TTC22: variants seen among roughly 807,000 people sequenced by gnomAD.
The protein encoded by TTC22 is tetratricopeptide repeat protein 22.
TTC22 carries 42 observed loss-of-function variants against 48.2 expected under a neutral mutation model. The observed-to-expected ratio is 0.87, with a 90% CI of 0.68 to 1.13. TTC22 has a LOEUF of 1.13. TTC22 is among the 50% of genes most tolerant of loss of function. TTC22 has a pLI of 0.00. For missense variants in TTC22, 784 were observed against 807.0 expected (o/e 0.97, Z 0.34); for synonymous variants, 345 against 365.5 (o/e 0.94, Z 0.64).
intron 1 of TTC22, among the ~76,000 whole-genome samples, chr1:54,789,381 C>T (rs781541535): frequency 1.3e-5 from 2 of 152,186 alleles, no homozygotes; most frequent in Non-Finnish European, 2.9e-5. Flanking sequence ...GGCCTGGAGA[C>T]GTTGGGGATG....
At chr1:54,785,619 C>CA (rs1306157419) in intron 5 of TTC22, 4 of 438,834 alleles carry the variant, frequency 9.1e-6, no homozygotes, top group African/African-American at 8.1e-5. Context: ...TGAGACGAGT[C>CA]TGGGCAACAT....
At chr1:54,781,813 G>A in intron 6 of TTC22, 34 bp from the exon 7 acceptor site, 1 of 1,386,174 alleles carries the variant, frequency 7.2e-7, no homozygotes, top group Non-Finnish European at 9.3e-7. Context: ...GCCCTTCACC[G>A]CAGGCGCGGC....
In TTC22 at chr1:54,781,240, GC is replaced by G; in HGVS notation, c.*2del. 1 of 1,457,610 alleles carries G rather than the reference GC, an allele frequency of 6.9e-7. No homozygotes were observed. Among genetic ancestry groups the G allele is most frequent in the Non-Finnish European group, 9.0e-7 (1 of 1,113,652 alleles). 90.3% of individuals were successfully genotyped at this position (1,457,610 alleles called of 1,614,324 possible). A position where few individuals can be genotyped will look rare whatever the true frequency, so the allele number is the denominator to read the frequency against. On this transcript the variant is annotated 3_prime_UTR_variant, in exon 7 of 7. Coordinates refer to ENST00000371276, the MANE Select transcript of TTC22 (RefSeq NM_001114108.2). ...GGGAGCCTCCGGCCTGGGCACCTGAGCCCTAGAATGAGACAGCCCGGCGGTC... is the reference window on the plus strand; with the variant it reads ...GGGAGCCTCCGGCCTGGGCACCTGAGCCTAGAATGAGACAGCCCGGCGGTC...
intron 1 of TTC22, among the ~76,000 whole-genome samples, chr1:54,788,390 C>T (rs1253475837): frequency 6.6e-6 from 1 of 151,922 alleles, no homozygotes; most frequent in East Asian, 1.9e-4. Flanking sequence ...CCCCCAACCC[C>T]AGGGCGCACA....
rs952022227 is a variant in TTC22 at position 54,781,519 on chromosome 1, C to G, written c.1434G>C (p.Ala478=). The G allele has an allele frequency of 1.6e-5, 24 of 1,510,290 alleles. No homozygotes were observed. The highest frequency in any genetic ancestry group is 1.4e-4 in the Admixed American group (7 of 48,492). The allele number at this position is 1,510,290 out of a possible 1,614,324, so 93.6% of individuals were successfully genotyped here. A position where few individuals can be genotyped will look rare whatever the true frequency, so the allele number is the denominator to read the frequency against. Residue 478 remains alanine (A), a synonymous_variant, in exon 7 of 7, where the codon GCG becomes GCC. Coordinates refer to ENST00000371276, the MANE Select transcript of TTC22 (RefSeq NM_001114108.2). ...GTGCCTGGCTCCACTGCGCCAGCAG[C>G]GCCTCGAGCAGGCAGCCGAAGCCGT... ...HTDGFGCLLE[A]LLAQWSQAQL...
intron 5 of TTC22, chr1:54,784,888 C>A: frequency 1.0e-6 from 1 of 972,602 alleles, no homozygotes; most frequent in South Asian, 1.6e-5. Context: ...TAGCAGGAGG[C>A]AGAACTCACC....
chr1:54,798,165 A>G (rs1646406806), intron 1 of TTC22, among the ~76,000 whole-genome samples: 1 of 152,232 alleles, frequency 6.6e-6, no homozygotes, highest in African/African-American at 2.4e-5. Context: ...CCAGGGTGGC[A>G]TGGATTTAGC....
At chr1:54,795,762 G>A (rs1646385647) in intron 1 of TTC22, among the ~76,000 whole-genome samples, 1 of 152,224 alleles carries the variant, frequency 6.6e-6, no homozygotes, top group South Asian at 2.1e-4. Context: ...CTGTATCTAT[G>A]AGGAGGAGGG....
intron 6 of TTC22, 52 bp from the exon 7 acceptor site, chr1:54,781,831 T>A: frequency 7.3e-7 from 1 of 1,367,990 alleles, no homozygotes. Context: ...GGCTCCACGC[T>A]CATTCCCGCC....
chr1:54,792,100 A>AG (rs1646356292), intron 1 of TTC22, among the ~76,000 whole-genome samples: 3 of 152,268 alleles, frequency 2.0e-5, no homozygotes, highest in Non-Finnish European at 4.4e-5. Context: ...ACCTGGTGGC[A>AG]CTATGCCTGA....
intron 1 of TTC22, among the ~76,000 whole-genome samples, chr1:54,797,048 G>A (rs979337752): frequency 1.8e-4 from 27 of 152,254 alleles, no homozygotes; most frequent in African/African-American, 6.5e-4. Flanking sequence ...TGCTTTTCAT[G>A]TTTTCTCAAT....
At chr1:54,791,904 T>C (rs1005925609) in intron 1 of TTC22, among the ~76,000 whole-genome samples, 2 of 152,056 alleles carry the variant, frequency 1.3e-5, no homozygotes, top group African/African-American at 4.8e-5. Context: ...GTTATCCTGA[T>C]CAATCTCCTT....
In TTC22 at chr1:54,788,767, C is replaced by G. The variant is rs549429229; in HGVS notation, c.568-670G>C. 1.8e-3 allele frequency among the ~76,000 whole-genome samples: 274 copies of G among 152,278 alleles called. 2 individuals are homozygous for G. Among genetic ancestry groups the G allele is most frequent in the African/African-American group, 5.8e-3 (241 of 41,558 alleles). ...AGGCTTCACTCTGTACTTGCCACCCCGACTGTGGCCTCCTCAGCTGTGGGG... is the reference window on the plus strand; with the variant it reads ...AGGCTTCACTCTGTACTTGCCACCCGGACTGTGGCCTCCTCAGCTGTGGGG... On this transcript the variant is annotated intron_variant, in intron 1 of 6. Coordinates refer to ENST00000371276, the MANE Select transcript of TTC22 (RefSeq NM_001114108.2).
intron 1 of TTC22, among the ~76,000 whole-genome samples, chr1:54,799,273 T>G (rs917175853): frequency 6.6e-6 from 1 of 152,184 alleles, no homozygotes; most frequent in Non-Finnish European, 1.5e-5. Flanking sequence ...GTTCACTCAC[T>G]GGGGAATCCC....
intron 1 of TTC22, 49 bp from the exon 2 acceptor site, chr1:54,788,146 C>T (rs1317267184): frequency 6.3e-7 from 1 of 1,581,182 alleles, no homozygotes; most frequent in South Asian, 1.1e-5. Context: ...GGTACTCTGG[C>T]CATTGTTCAT....
chr1:54,787,903 G>T, intron 2 of TTC22, 77 bp from the exon 3 acceptor site: 2 of 1,461,650 alleles, frequency 1.4e-6, no homozygotes, highest in South Asian at 1.2e-5. Flanking sequence ...GCCCAGGCCT[G>T]TGGTGGTGGG....
chr1:54,799,633 TAG>T (rs1646418265), intron 1 of TTC22, among the ~76,000 whole-genome samples: 1 of 152,172 alleles, frequency 6.6e-6, no homozygotes, highest in Non-Finnish European at 1.5e-5. Context: ...CCACTGAAGG[TAG>T]CCTGGCATTC....
At chr1:54,788,789 G>T (rs1051474375) in intron 1 of TTC22, among the ~76,000 whole-genome samples, 1 of 152,082 alleles carries the variant, frequency 6.6e-6, no homozygotes, top group South Asian at 2.1e-4. Context: ...CCTCAGCTGT[G>T]GGGGAGGGGG....
chr1:54,782,542 C>A, intron 5 of TTC22, 65 bp from the exon 6 acceptor site: 2 of 1,434,898 alleles, frequency 1.4e-6, no homozygotes, highest in South Asian at 2.8e-5. Flanking sequence ...CCTCTCTGCT[C>A]TAAATGAACC....
Sources: allele counts gnomAD v4.1 joint callset (sites outside exome capture counted in the v4.1 genomes callset), GRCh38; gene constraint gnomAD v4.1.1; transcripts MANE v1.5; gene names NCBI Gene and HGNC (gene_info 2026-07-23, HGNC 2026-07-21).